The following EIF3C variants were observed in gnomAD, a reference collection of about 807,000 sequenced individuals.
EIF3C encodes the protein cell migration-inducing protein 17.
Under a neutral mutation model 11.1 loss-of-function variants are expected in EIF3C, and 2 were observed. That is an observed-to-expected ratio of 0.18 (90% CI 0.07 to 0.57). EIF3C has a LOEUF of 0.57. EIF3C is among the 20% of genes least tolerant of loss of function. The pLI is 0.92. For synonymous variants in EIF3C, 2 were observed against 41.5 expected (o/e 0.05, Z 3.66); for missense variants, 16 against 114.6 (o/e 0.14, Z 3.93).
intron 1 of EIF3C, among the ~76,000 whole-genome samples, chr16:28,697,863 C>G (rs1440544794): frequency 1.2e-5 from 1 of 84,738 alleles, no homozygotes; most frequent in East Asian, 4.5e-4. Flanking sequence ...GCTGGCCGGG[C>G]GGGGGGCTGA....
chr16:28,689,066 ACACCCAGCC>A (rs2048209731), intron 1 of EIF3C, among the ~76,000 whole-genome samples: 1 of 30,134 alleles, frequency 3.3e-5, no homozygotes, highest in Non-Finnish European at 5.4e-5. Flanking sequence ...GCGTGCCACC[ACACCCAGCC>A]AATTTTTATA....
chr16:28,700,598 T>C, intron 1 of EIF3C: 1 of 263,726 alleles, frequency 3.8e-6, no homozygotes, highest in South Asian at 5.4e-5. Flanking sequence ...ACCTGCTTTC[T>C]AGACGCGCAG....
chr16:28,688,999 T>C (rs557656229), intron 1 of EIF3C, among the ~76,000 whole-genome samples: 1,018 of 41,796 alleles, frequency 0.024, 60 homozygotes, highest in Non-Finnish European at 0.032. Flanking sequence ...CAACCTCTGC[T>C]TCCCGGGTTC....
chr16:28,698,641 T>C (rs758078369), intron 1 of EIF3C, among the ~76,000 whole-genome samples: 5 of 73,906 alleles, frequency 6.8e-5, no homozygotes, highest in South Asian at 1.1e-3. Flanking sequence ...CCAGATGGGG[T>C]GGCTGCCGGG....
rs200950636 is a variant in EIF3C, at chr16:28,701,228, G to T, written c.-30-10429G>T. On this transcript the variant is annotated intron_variant, in intron 1 of 20. Coordinates refer to the EIF3C transcript ENST00000566501. ...AACTGCTTTTGCTGAGCGTGTCCAC[G>T]TTCCAGGTCATGCTCTTTTTCTTGG... is the stretch of plus-strand genomic sequence containing the variant. The T allele has an allele frequency of 1.6e-5, 6 of 369,248 alleles. 1 individual carries two copies. Among genetic ancestry groups the T allele is most frequent in the Non-Finnish European group, 3.0e-5 (6 of 201,410 alleles). 22.9% of individuals were successfully genotyped at this position (369,248 alleles called of 1,614,324 possible).
In EIF3C at chr16:28,700,468, C is replaced by T. The variant is rs371777957; in HGVS notation, c.-30-11189C>T. 2.5e-5 allele frequency: 9 copies of T among 358,364 alleles called. 2 individuals are homozygous for T. The highest frequency in any genetic ancestry group is 7.3e-5 in the African/African-American group (2 of 27,392). The allele number at this position is 358,364 out of a possible 1,614,324, so 22.2% of individuals were successfully genotyped here. On this transcript the variant is annotated intron_variant, in intron 1 of 20. Transcript: ENST00000566501. ...GGTGGGGTCCATCTTGCTGCATTTG[C>T]GCGTCCTTCGCATTGAAGCCCTTTT...
chr16:28,689,782 TA>T, intron 1 of EIF3C, among the ~76,000 whole-genome samples: 1 of 28,872 alleles, frequency 3.5e-5, no homozygotes. Context: ...GGTGAAACCC[TA>T]CCTCTACTAA....
chr16:28,698,572 C>G lies in EIF3C; in HGVS notation c.-31+9744C>G, dbSNP rs1276937836. Among the ~76,000 whole-genome samples, 9 of 96,408 alleles carry G rather than the reference C, an allele frequency of 9.3e-5. 1 individual carries two copies. Among genetic ancestry groups the G allele is most frequent in the Non-Finnish European group, 1.9e-5 (1 of 54,038 alleles). The allele number at this position is 96,408 out of a possible 152,430, so 63.2% of individuals were successfully genotyped here. On this transcript the variant is annotated intron_variant, in intron 1 of 20. Coordinates refer to the EIF3C transcript ENST00000566501. ...CCTCCCGGACGGGGTGGCTGCCGGGCGGAGACGCTCCTCACTTCCCAGATG... is the reference window on the plus strand; with the variant it reads ...CCTCCCGGACGGGGTGGCTGCCGGGGGGAGACGCTCCTCACTTCCCAGATG...
At chr16:28,698,409 G>T (rs1445360284) in intron 1 of EIF3C, among the ~76,000 whole-genome samples, 1 of 92,702 alleles carries the variant, frequency 1.1e-5, no homozygotes, top group Non-Finnish European at 2.0e-5. Flanking sequence ...CCTCCCGGAC[G>T]GCATGGCTGG....
intron 1 of EIF3C, among the ~76,000 whole-genome samples, chr16:28,698,361 G>T (rs2048255739): frequency 1.0e-5 from 1 of 99,814 alleles, no homozygotes. Flanking sequence ...CTCCCGGACG[G>T]GGCGGCTGGC....
At chr16:28,700,412 C>T in intron 1 of EIF3C, 1 of 386,288 alleles carries the variant, frequency 2.6e-6, no homozygotes, top group Non-Finnish European at 4.8e-6. Flanking sequence ...AGGCCGGCGT[C>T]GATACACTGC....
In EIF3C at chr16:28,696,932, G is replaced by A. The variant is rs1327563830; in HGVS notation, c.-31+8104G>A. On this transcript the variant is annotated intron_variant, in intron 1 of 20. Transcript: ENST00000566501. ...GGGTTTTTTACCCCGCACAGAGGCTGGGATTCTTTTTTATAGCATGCACAC... is the reference window on the plus strand; with the variant it reads ...GGGTTTTTTACCCCGCACAGAGGCTAGGATTCTTTTTTATAGCATGCACAC... 4.0e-5 allele frequency among the ~76,000 whole-genome samples: 2 copies of A among 49,760 alleles called. 1 individual carries two copies. Among genetic ancestry groups the A allele is most frequent in the Non-Finnish European group, 7.0e-5 (2 of 28,636 alleles). 32.6% of individuals were successfully genotyped at this position (49,760 alleles called of 152,430 possible). A position where few individuals can be genotyped will look rare whatever the true frequency, so the allele number is the denominator to read the frequency against.
intron 13 of EIF3C, among the ~76,000 whole-genome samples, chr16:28,725,765 C>CG (rs1555491085): frequency 6.7e-4 from 14 of 20,986 alleles, no homozygotes; most frequent in African/African-American, 2.8e-3. Context: ...GACTCCATCT[C>CG]AAAAAAAAAA....
At chr16:28,698,541 C>G (rs1200030484) in intron 1 of EIF3C, among the ~76,000 whole-genome samples, 11 of 94,158 alleles carry the variant, frequency 1.2e-4, no homozygotes, top group Non-Finnish European at 1.9e-4. Context: ...TGACCCCCCC[C>G]ACCTCCCTCC....
chr16:28,725,765 C>CA (rs1166823476), intron 13 of EIF3C, among the ~76,000 whole-genome samples: 3,217 of 20,960 alleles, frequency 0.15, 60 homozygotes, highest in Non-Finnish European at 0.2. Context: ...GACTCCATCT[C>CA]AAAAAAAAAA....
chr16:28,729,909 C>T lies in EIF3C; in HGVS notation c.1819-1920C>T, dbSNP rs561467130. On this transcript the variant is annotated intron_variant, in intron 15 of 20. Transcript: ENST00000331666. Reference sequence around the variant, plus strand: ...CAGGAGGTCGAGGCTGCAGGAGCCACGATCACGCCACTGCACTCTAGCCTG... The same window carrying T: ...CAGGAGGTCGAGGCTGCAGGAGCCATGATCACGCCACTGCACTCTAGCCTG... Among the ~76,000 whole-genome samples, 283 of 150,536 alleles carry T rather than the reference C, an allele frequency of 1.9e-3. 10 individuals carry two copies. The highest frequency in any genetic ancestry group is 6.2e-3 in the African/African-American group (256 of 40,974).
intron 8 of EIF3C, chr16:28,722,941 T>A (rs1350820656): frequency 1.3e-6 from 1 of 745,050 alleles, no homozygotes; most frequent in Non-Finnish European, 2.1e-6. Flanking sequence ...CTACCATGCT[T>A]AGCTGACAGG....
At chr16:28,698,225 C>T (rs1835687484) in intron 1 of EIF3C, among the ~76,000 whole-genome samples, 1 of 127,412 alleles carries the variant, frequency 7.8e-6, no homozygotes, top group African/African-American at 3.0e-5. Context: ...CCCCTCACCT[C>T]CCGGACGGGG....
intron 1 of EIF3C, among the ~76,000 whole-genome samples, chr16:28,696,263 T>G (rs2048237996): frequency 1.8e-5 from 1 of 55,392 alleles, no homozygotes; most frequent in African/African-American, 1.2e-4. Flanking sequence ...CTACTCAGGA[T>G]GCTGAGGCAG....
Sources: gnomAD v4.1 joint callset for allele counts (sites outside exome capture counted in the v4.1 genomes callset) on GRCh38, gnomAD v4.1.1 for gene constraint, MANE v1.5 for transcripts, NCBI Gene and HGNC (gene_info 2026-07-23, HGNC 2026-07-21) for gene names.